SDK1: variants seen among roughly 807,000 people sequenced by gnomAD.
The protein encoded by SDK1 is sidekick cell adhesion molecule 1.
A neutral mutation model predicts 245.5 loss-of-function variants in SDK1; 157 were observed. The ratio of observed to expected loss-of-function variants is 0.64; its 90% CI spans 0.56 to 0.73. SDK1 has a LOEUF of 0.73. Ranked by LOEUF, SDK1 falls within the 30% of genes least tolerant of loss-of-function variation. SDK1 has a pLI of 0.00. For missense variants in SDK1, 3,583 were observed against 3,002.3 expected, an observed-to-expected ratio of 1.19 and a Z score of -4.52; for synonymous variants, 1,647 against 1,278.5, an observed-to-expected ratio of 1.29 and a Z score of -6.15.
intron 34 of SDK1, among the ~76,000 whole-genome samples, chr7:4,177,968 G>A (rs1782328928): frequency 6.8e-6 from 1 of 147,734 alleles, no homozygotes; most frequent in Non-Finnish European, 1.5e-5. Flanking sequence ...GTTGTGCAAG[G>A]CATAAGGAGC....
chr7:3,750,819 G>A (rs1193010413), intron 4 of SDK1, among the ~76,000 whole-genome samples: 1 of 152,186 alleles, frequency 6.6e-6, no homozygotes, highest in South Asian at 2.1e-4. Flanking sequence ...AATAGGATAC[G>A]ACAATCTCTA....
intron 1 of SDK1, among the ~76,000 whole-genome samples, chr7:3,344,073 G>C (rs1226960975): frequency 1.3e-5 from 2 of 148,174 alleles, no homozygotes; most frequent in East Asian, 3.9e-4. Flanking sequence ...AGTTTAGTTA[G>C]ATCAAACAAA....
At chr7:3,804,230 A>G (rs533121928) in intron 4 of SDK1, among the ~76,000 whole-genome samples, 1 of 152,260 alleles carries the variant, frequency 6.6e-6, no homozygotes, top group African/African-American at 2.4e-5. Flanking sequence ...TTACAAATAT[A>G]TTTATGATGT....
At chr7:4,228,288 T>C (rs1295057080) in intron 40 of SDK1, among the ~76,000 whole-genome samples, 3 of 149,810 alleles carry the variant, frequency 2.0e-5, no homozygotes, top group African/African-American at 4.9e-5. Context: ...AGGTGCTCTT[T>C]CGGGCAGCCA....
At chr7:3,977,406 C>A (rs1393065649) in intron 13 of SDK1, among the ~76,000 whole-genome samples, 3 of 108,590 alleles carry the variant, frequency 2.8e-5, no homozygotes, top group South Asian at 3.3e-4. Context: ...ACTGGGGGTC[C>A]CGGGGCTGAG....
At chr7:3,739,576 A>C (rs993105002) in intron 4 of SDK1, among the ~76,000 whole-genome samples, 2 of 152,178 alleles carry the variant, frequency 1.3e-5, no homozygotes, top group African/African-American at 4.8e-5. Flanking sequence ...GAGTCCCTCC[A>C]GTGAATTTAT....
rs1169883436 is a variant in SDK1 at position 4,026,420 on chromosome 7, T to C, written c.2602+9068T>C. Among the ~76,000 whole-genome samples the C allele has an allele frequency of 6.6e-6, 1 of 152,230 alleles. No homozygotes were observed. The highest frequency in any genetic ancestry group is 1.5e-5 in the Non-Finnish European group (1 of 68,038). On this transcript the variant is annotated intron_variant, in intron 17 of 44. Coordinates refer to ENST00000404826, the MANE Select transcript of SDK1 (RefSeq NM_152744.4). The surrounding 1 kb of genome is among the most constrained non-coding windows in gnomAD (Gnocchi z 4.1). Reference sequence around the variant, plus strand: ...GTATTTTGTGAATAGAAATAACATCTTGTTCCTAACTGACTTCAGAGTCAG... The same window carrying C: ...GTATTTTGTGAATAGAAATAACATCCTGTTCCTAACTGACTTCAGAGTCAG...
At chr7:4,109,793 A>G (rs1215051525) in intron 22 of SDK1, among the ~76,000 whole-genome samples, 3 of 152,116 alleles carry the variant, frequency 2.0e-5, no homozygotes, top group African/African-American at 7.2e-5. Flanking sequence ...CGGCACTGGC[A>G]CTCGGGTTTC....
rs186096234 is a variant in SDK1 at position 3,627,182 on chromosome 7, T to G, written c.458+7943T>G. Reference sequence around the variant, plus strand: ...GGGCTCAAATGATTCACCCAGCTTGTCCTCCCCAAGTGCTGAGATTACAGG... The same window carrying G: ...GGGCTCAAATGATTCACCCAGCTTGGCCTCCCCAAGTGCTGAGATTACAGG... On this transcript the variant is annotated intron_variant, in intron 2 of 44. Transcript: ENST00000404826. Among the ~76,000 whole-genome samples the G allele has an allele frequency of 4.2e-3, 635 of 152,158 alleles. 6 individuals carry two copies. Among genetic ancestry groups the G allele is most frequent in the African/African-American group, 0.015 (611 of 41,504 alleles).
At chr7:3,769,228 A>G (rs1323326190) in intron 4 of SDK1, among the ~76,000 whole-genome samples, 2 of 152,202 alleles carry the variant, frequency 1.3e-5, no homozygotes, top group African/African-American at 2.4e-5. Context: ...TGGGTAATGT[A>G]TGAAGAAAAA....
chr7:4,005,064 T>TG (rs1785363520), intron 14 of SDK1, among the ~76,000 whole-genome samples: 2 of 138,666 alleles, frequency 1.4e-5, no homozygotes, highest in Non-Finnish European at 3.0e-5. Flanking sequence ...TTTTTTTTTT[T>TG]GAGACGGAGT....
chr7:3,939,432 G>C (rs1320826033), intron 5 of SDK1, among the ~76,000 whole-genome samples: 2 of 152,228 alleles, frequency 1.3e-5, no homozygotes, highest in South Asian at 4.1e-4. Flanking sequence ...ACGTGTGGAA[G>C]GTAAAGGGTG....
intron 40 of SDK1, among the ~76,000 whole-genome samples, chr7:4,232,392 C>CTTTTTTT (rs1178308855): frequency 1.2e-5 from 1 of 81,790 alleles, no homozygotes; most frequent in Non-Finnish European, 2.6e-5. Context: ...TTCTTTTTTT[C>CTTTTTTT]TTTTCTTTTC....
intron 1 of SDK1, among the ~76,000 whole-genome samples, chr7:3,331,225 C>G (rs1780061022): frequency 6.6e-6 from 1 of 152,118 alleles, no homozygotes; most frequent in Non-Finnish European, 1.5e-5. Context: ...GATTGCACCA[C>G]TGCACTCCAG....
At chr7:3,345,183 G>C (rs1346087328) in intron 1 of SDK1, among the ~76,000 whole-genome samples, 1 of 152,142 alleles carries the variant, frequency 6.6e-6, no homozygotes, top group African/African-American at 2.4e-5. Flanking sequence ...GGATTTGGAG[G>C]ATTTTATTTT....
intron 5 of SDK1, among the ~76,000 whole-genome samples, chr7:3,848,152 C>T (rs763093276): frequency 1.3e-5 from 2 of 152,178 alleles, no homozygotes; most frequent in Non-Finnish European, 2.9e-5. Context: ...CACAGTTGAT[C>T]AGGATTCTAT....
intron 4 of SDK1, among the ~76,000 whole-genome samples, chr7:3,781,295 C>A (rs73306142): frequency 6.6e-6 from 1 of 152,074 alleles, no homozygotes; most frequent in African/African-American, 2.4e-5. Flanking sequence ...AACAGGGAAG[C>A]CAGGCCCACA....
At chr7:3,739,286 C>T (rs775294287) in intron 4 of SDK1, among the ~76,000 whole-genome samples, 1 of 152,018 alleles carries the variant, frequency 6.6e-6, no homozygotes, top group Non-Finnish European at 1.5e-5. Context: ...TGCATTTATC[C>T]TTCTTAGAGT....
intron 1 of SDK1, among the ~76,000 whole-genome samples, chr7:3,545,271 T>G (rs1466866618): frequency 6.6e-6 from 1 of 152,008 alleles, no homozygotes; most frequent in African/African-American, 2.4e-5. Flanking sequence ...AGTCATGGGA[T>G]TGATGCAGGG....
Sources: allele counts gnomAD v4.1 joint callset (sites outside exome capture counted in the v4.1 genomes callset), GRCh38; gene constraint gnomAD v4.1.1; non-coding constraint Gnocchi (gnomAD v3.1); transcripts MANE v1.5; gene names NCBI Gene and HGNC (gene_info 2026-07-23, HGNC 2026-07-21).